The following HTR3B variants were observed in gnomAD, a reference collection of about 807,000 sequenced individuals.
HTR3B encodes 5-hydroxytryptamine receptor 3B.
Under a neutral mutation model 42.8 loss-of-function variants are expected in HTR3B, and 44 were observed. The observed-to-expected ratio is 1.03, with a 90% CI of 0.81 to 1.32. HTR3B has a LOEUF of 1.32. Among genes scored for constraint, HTR3B ranks in the 40% most tolerant of loss-of-function variants. HTR3B has a pLI of 0.00. For missense variants in HTR3B, 527 were observed against 536.5 expected, an observed-to-expected ratio of 0.98 and a Z score of 0.17; for synonymous variants, 203 against 209.0, an observed-to-expected ratio of 0.97 and a Z score of 0.25.
rs1024076196 is a variant in HTR3B at position 113,947,523 on chromosome 11, G to A, written c.*1386G>A. On this transcript the variant is annotated 3_prime_UTR_variant, in exon 9 of 9. Transcript: ENST00000260191. ...CTAAGATCAAGGTGCAAACAGGGTG[G>A]GTGGCTTTCTTCTGAGCCCTGTCCT... Among the ~76,000 whole-genome samples, 1 of 152,132 alleles carries A rather than the reference G, an allele frequency of 6.6e-6. No individual in the cohort carries two copies. Among genetic ancestry groups the A allele is most frequent in the African/African-American group, 2.4e-5 (1 of 41,420 alleles).
At chr11:113,944,548 C>T in intron 7 of HTR3B, 25 bp from the exon 8 acceptor site, 4 of 1,606,470 alleles carry the variant, frequency 2.5e-6, no homozygotes, top group Non-Finnish European at 3.4e-6. Context: ...TGGAGGCTAA[C>T]TGCACCTCTT....
At chr11:113,916,549 A>G (rs117581910) in intron 2 of HTR3B, among the ~76,000 whole-genome samples, 2,048 of 152,310 alleles carry the variant, frequency 0.013, 27 homozygotes, top group Non-Finnish European at 0.025. Context: ...GCATTTCCAT[A>G]TAAACTTTAG....
chr11:113,929,762 T>G (rs1745645416), intron 2 of HTR3B, among the ~76,000 whole-genome samples: 1 of 152,194 alleles, frequency 6.6e-6, no homozygotes, highest in Admixed American at 6.5e-5. Context: ...AGACGGAGTC[T>G]CACTCTGTCA....
rs553718732 is a variant in HTR3B at position 113,939,002 on chromosome 11, A to G, written c.697-3980A>G. 7.7e-4 allele frequency among the ~76,000 whole-genome samples: 117 copies of G among 152,338 alleles called. 1 individual carries two copies. The highest frequency in any genetic ancestry group is 2.5e-3 in the African/African-American group (103 of 41,576). Reference sequence around the variant, plus strand: ...AAGAGCGAAATTGTGTCTAAAAAAAAAAAACTAGTCCATAGGCAACATTGC... The same window carrying G: ...AAGAGCGAAATTGTGTCTAAAAAAAGAAAACTAGTCCATAGGCAACATTGC... On this transcript the variant is annotated intron_variant, in intron 6 of 8. Transcript: ENST00000260191.
chr11:113,942,993 C>CAGGCACCCCCTGGTCTATGT lies in HTR3B; in HGVS notation c.709_728dup (p.Val244GlyfsTer8). 6.2e-7 allele frequency: 1 copy of CAGGCACCCCCTGGTCTATGT among 1,614,020 alleles called. No homozygotes were observed. The highest frequency in any genetic ancestry group is 8.5e-7 in the Non-Finnish European group (1 of 1,179,926). On this transcript the variant is annotated frameshift_variant, in exon 7 of 9. Transcript: ENST00000260191. LOFTEE classifies it high-confidence loss of function. ...TTGTTCCCGGCCAGGTGGTGATGCG[C>CAGGCACCCCCTGGTCTATGT]AGGCACCCCCTGGTCTATGTCGTGA...
At chr11:113,931,461 C>T in intron 3 of HTR3B, 33 bp downstream of exon 3, 1 of 1,311,676 alleles carries the variant, frequency 7.6e-7, no homozygotes, top group Non-Finnish European at 1.1e-6. Context: ...AAATATATTG[C>T]ACTCCTGATC....
chr11:113,903,585 C>A (rs550213018), upstream of HTR3B, among the ~76,000 whole-genome samples: 1 of 151,950 alleles, frequency 6.6e-6, no homozygotes, highest in Admixed American at 6.6e-5. Context: ...TGTGCCACCA[C>A]GCCTGACTAA....
chr11:113,929,388 C>T (rs928932716), intron 2 of HTR3B, among the ~76,000 whole-genome samples: 4 of 152,040 alleles, frequency 2.6e-5, no homozygotes, highest in Non-Finnish European at 2.9e-5. Flanking sequence ...CAGGTTCTGG[C>T]TGATTTGGTT....
At chr11:113,905,936 A>G (rs1949730219) in intron 1 of HTR3B, among the ~76,000 whole-genome samples, 2 of 152,236 alleles carry the variant, frequency 1.3e-5, no homozygotes, top group Admixed American at 6.5e-5. Context: ...GGATAAAAGC[A>G]TATCTTAATT....
Position 113,932,286 on chromosome 11 carries a change from T to C in HTR3B, c.369-3T>C, listed in dbSNP as rs11214773. The C allele has an allele frequency of 2.5e-3, 4,083 of 1,607,934 alleles. 100 individuals carry two copies. The East Asian group carries it at 0.033, about 13-fold the overall frequency. ...ACAACAAGTTCTCTTGTGTTTCATA[T>C]AGTGTGGACATTGAAAGATACCCTG... On this transcript the variant is annotated splice_polypyrimidine_tract_variant and splice_region_variant and intron_variant, in intron 4 of 8. Coordinates refer to ENST00000260191, the MANE Select transcript of HTR3B (RefSeq NM_006028.5).
chr11:113,945,840 G>T, intron 8 of HTR3B, 62 bp from the exon 9 acceptor site: 1 of 1,177,812 alleles, frequency 8.5e-7, no homozygotes, highest in Non-Finnish European at 1.3e-6. Context: ...AGCTTCAAGA[G>T]AAAGTCCAGG....
At chr11:113,932,529 AG>A (rs2137523045) in intron 5 of HTR3B, 71 bp downstream of exon 5, 1 of 1,239,206 alleles carries the variant, frequency 8.1e-7, no homozygotes, top group African/African-American at 1.5e-5. Context: ...ACTATCCTTC[AG>A]GTCTATTTTA....
intron 1 of HTR3B, chr11:113,909,017 A>T (rs1949756256): frequency 5.5e-6 from 3 of 543,962 alleles, no homozygotes; most frequent in Admixed American, 3.6e-5. Flanking sequence ...AAAATGCAAG[A>T]TTGTTGTAAA....
Position 113,909,439 on chromosome 11 carries a change from A to G in HTR3B, c.197A>G (p.His66Arg), listed in dbSNP as rs200550165. The G allele has an allele frequency of 6.8e-6, 11 of 1,614,108 alleles. No homozygotes were observed. In the East Asian group the frequency reaches 2.2e-4, roughly 33 times the overall value. Residue 66 changes from histidine (H) to arginine (R), a missense_variant, in exon 2 of 9, where the codon CAT (histidine) becomes CGT (arginine). His to Arg is a conservative substitution (Grantham distance 29). Transcript: ENST00000260191. ...ACAGTCTACCTGGACCTGTTCGTCCATGCTATATTGGATGTGGTAAGGACC... is the reference window on the plus strand; with the variant it reads ...ACAGTCTACCTGGACCTGTTCGTCCGTGCTATATTGGATGTGGTAAGGACC... ...ATTVYLDLFV[H>R]AILDVDAENQ...
In HTR3B at chr11:113,906,810, C is replaced by T. The variant is rs1055293528; in HGVS notation, c.52+1825C>T. Among the ~76,000 whole-genome samples, 12 of 152,182 alleles carry T rather than the reference C, an allele frequency of 7.9e-5. 1 individual carries two copies. Among genetic ancestry groups the T allele is most frequent in the Non-Finnish European group, 1.5e-5 (1 of 68,046 alleles). ...CAGGAATAGTGCACTCCTCACAGAG[C>T]TGTAGAGTACCTGTCTCATAAGTTT... is the stretch of plus-strand genomic sequence containing the variant. On this transcript the variant is annotated intron_variant, in intron 1 of 8. Coordinates refer to ENST00000260191, the MANE Select transcript of HTR3B (RefSeq NM_006028.5).
At chr11:113,937,546 C>G (rs544911850) in intron 6 of HTR3B, among the ~76,000 whole-genome samples, 6 of 152,286 alleles carry the variant, frequency 3.9e-5, no homozygotes, top group Non-Finnish European at 1.5e-5. Flanking sequence ...AAGTTTGTAC[C>G]TATAATCCTC....
intron 6 of HTR3B, among the ~76,000 whole-genome samples, chr11:113,941,444 G>A (rs1183581344): frequency 2.0e-5 from 3 of 152,134 alleles, no homozygotes; most frequent in Non-Finnish European, 4.4e-5. Context: ...TCAAAGAAGT[G>A]AGGTATAAAA....
At chr11:113,904,058 G>A (rs1949716415), upstream of HTR3B, among the ~76,000 whole-genome samples, 1 of 152,108 alleles carries the variant, frequency 6.6e-6, no homozygotes, top group African/African-American at 2.4e-5. Context: ...GCAGGCAGAT[G>A]TTGGAAATGG....
At chr11:113,937,981 C>T (rs1199038518) in intron 6 of HTR3B, among the ~76,000 whole-genome samples, 2 of 152,212 alleles carry the variant, frequency 1.3e-5, no homozygotes, top group South Asian at 2.1e-4. Context: ...TCCTCTGCCT[C>T]TGGTTGCTGC....
Sources: allele counts gnomAD v4.1 joint callset (sites outside exome capture counted in the v4.1 genomes callset), GRCh38; gene constraint gnomAD v4.1.1; transcripts MANE v1.5; gene names NCBI Gene and HGNC (gene_info 2026-07-23, HGNC 2026-07-21).